Variants in FBXO36 observed in about 807,000 individuals in gnomAD.
FBXO36 encodes F-box protein 36.
FBXO36 carries 18 observed loss-of-function variants against 17.0 expected under a neutral mutation model. That is an observed-to-expected ratio of 1.06 (90% CI 0.73 to 1.57). FBXO36 has a LOEUF of 1.57. FBXO36 is among the 40% of genes most tolerant of loss of function. FBXO36 has a pLI of 0.00. For synonymous variants in FBXO36, 83 were observed against 85.3 expected, an observed-to-expected ratio of 0.97 and a Z score of 0.15; for missense variants, 229 against 221.9, an observed-to-expected ratio of 1.03 and a Z score of -0.20.
At chr2:229,963,241 T>C (rs1048452892) in intron 1 of FBXO36, among the ~76,000 whole-genome samples, 1 of 151,664 alleles carries the variant, frequency 6.6e-6, no homozygotes, top group Non-Finnish European at 1.5e-5. Flanking sequence ...AATTTTCGTA[T>C]TTTTAGTAGA....
At chr2:229,979,269 G>C (rs1560448396) in intron 2 of FBXO36, among the ~76,000 whole-genome samples, 1 of 151,716 alleles carries the variant, frequency 6.6e-6, no homozygotes, top group Non-Finnish European at 1.5e-5. Flanking sequence ...AGGCTGAAGT[G>C]GGAGGATTTC....
intron 1 of FBXO36, among the ~76,000 whole-genome samples, chr2:229,956,886 G>T (rs920345190): frequency 3.9e-5 from 6 of 152,066 alleles, no homozygotes; most frequent in African/African-American, 1.2e-4. Context: ...CACCCCTGGG[G>T]TCTCTTCCCC....
rs1277986774 is a variant in FBXO36, at chr2:229,976,326, T to G, written c.182T>G (p.Phe61Cys). ...GAAGCAAAAGAAACCCATGAAGACT[T>G]CCTAGAGAATTCACATCTTCAAGGT... ...PGEAKETHED[F>C]LENSHLQGQT... Residue 61 changes from phenylalanine to cysteine, a missense_variant, in exon 2 of 4, where the codon TTC becomes TGC. Phe to Cys is a radical substitution (Grantham distance 205). Transcript: ENST00000283946. 6.2e-7 allele frequency: 1 copy of G among 1,613,222 alleles called. No individual in the cohort carries two copies. Among genetic ancestry groups the G allele is most frequent in the Admixed American group, 1.7e-5 (1 of 59,990 alleles).
At chr2:230,005,352 C>T (rs1274078704) in intron 3 of FBXO36, among the ~76,000 whole-genome samples, 5 of 152,234 alleles carry the variant, frequency 3.3e-5, no homozygotes, top group South Asian at 2.1e-4. Context: ...CCTCCTGCCT[C>T]GGCCTTCCAA....
intron 3 of FBXO36, among the ~76,000 whole-genome samples, chr2:230,000,851 C>CTTTTTTT (rs71049612): frequency 3.6e-4 from 32 of 89,472 alleles, no homozygotes; most frequent in African/African-American, 1.3e-3. Flanking sequence ...AACCACTTTT[C>CTTTTTTT]TTTTTTTTTT....
intron 1 of FBXO36, among the ~76,000 whole-genome samples, chr2:229,951,169 G>A (rs902104545): frequency 2.0e-5 from 3 of 152,038 alleles, no homozygotes; most frequent in East Asian, 1.9e-4. Context: ...TCCTGACCTC[G>A]TTATCCACCC....
chr2:229,924,242 G>A (rs1167348612), intron 1 of FBXO36, among the ~76,000 whole-genome samples: 1 of 152,066 alleles, frequency 6.6e-6, no homozygotes, highest in East Asian at 1.9e-4. Flanking sequence ...ACAGGCGTGC[G>A]CCACCACACC....
chr2:229,937,934 A>T (rs2076973251), intron 1 of FBXO36: 1 of 152,074 alleles, frequency 6.6e-6, no homozygotes, highest in South Asian at 2.1e-4. Flanking sequence ...AGTTTTGCTT[A>T]TATGTTTATC....
intron 3 of FBXO36, among the ~76,000 whole-genome samples, chr2:229,998,388 T>G (rs1224584555): frequency 1.3e-5 from 2 of 152,160 alleles, no homozygotes; most frequent in Non-Finnish European, 1.5e-5. Flanking sequence ...TTTGGGAGGC[T>G]GAGGCGGTTG....
intron 1 of FBXO36, among the ~76,000 whole-genome samples, chr2:229,944,762 T>G (rs1334694664): frequency 6.6e-6 from 1 of 151,682 alleles, no homozygotes; most frequent in African/African-American, 2.4e-5. Context: ...CCGGCTAATT[T>G]TTTTGTATTT....
Position 229,996,748 on chromosome 2 carries a change from C to T in FBXO36, c.206-3C>T. ...TAACCATGTTGGCTTCTTTGAATTACAGGTCAAACTGCCTTAATATTTGGT... is the reference window on the plus strand; with the variant it reads ...TAACCATGTTGGCTTCTTTGAATTATAGGTCAAACTGCCTTAATATTTGGT... On this transcript the variant is annotated splice_region_variant and splice_polypyrimidine_tract_variant and intron_variant, in intron 2 of 3. Coordinates refer to ENST00000283946, the MANE Select transcript of FBXO36 (RefSeq NM_174899.5). 2 of 1,601,836 alleles carry T rather than the reference C, an allele frequency of 1.2e-6. No individual in the cohort carries two copies. Among genetic ancestry groups the T allele is most frequent in the Non-Finnish European group, 1.7e-6 (2 of 1,175,018 alleles).
At chr2:229,964,751 C>A (rs1344715067) in intron 1 of FBXO36, among the ~76,000 whole-genome samples, 2 of 152,202 alleles carry the variant, frequency 1.3e-5, no homozygotes, top group East Asian at 3.9e-4. Context: ...GAACTCCTGA[C>A]CTCGTGATCC....
chr2:229,974,293 T>C (rs548289), intron 1 of FBXO36, among the ~76,000 whole-genome samples: 148,822 of 152,210 alleles, frequency 0.98, 72,844 homozygotes, highest in East Asian at 1. Flanking sequence ...CCTAGCTAGC[T>C]GTGTTTCCTT....
intron 2 of FBXO36, among the ~76,000 whole-genome samples, chr2:229,991,650 G>A (rs2077298573): frequency 6.6e-6 from 1 of 152,166 alleles, no homozygotes; most frequent in South Asian, 2.1e-4. Flanking sequence ...GGATGGCAGT[G>A]TTTTTACCAA....
At chr2:229,927,367 A>C (rs899260397) in intron 1 of FBXO36, among the ~76,000 whole-genome samples, 4 of 152,152 alleles carry the variant, frequency 2.6e-5, no homozygotes, top group African/African-American at 7.2e-5. Context: ...AAAATCTATG[A>C]GTTTAGAAGA....
At chr2:229,976,593 G>T in intron 2 of FBXO36, 2 of 311,052 alleles carry the variant, frequency 6.4e-6, no homozygotes, top group Admixed American at 4.6e-5. Context: ...GGCCGAGGCG[G>T]GTGGATCATG....
chr2:229,975,294 G>A (rs1263735134), intron 1 of FBXO36, among the ~76,000 whole-genome samples: 1 of 152,038 alleles, frequency 6.6e-6, no homozygotes, highest in Non-Finnish European at 1.5e-5. Flanking sequence ...GTTGCTCTCT[G>A]TGGGAAAATT....
chr2:229,933,439 G>C (rs911498891), intron 1 of FBXO36, among the ~76,000 whole-genome samples: 1 of 152,166 alleles, frequency 6.6e-6, no homozygotes, highest in Non-Finnish European at 1.5e-5. Context: ...GTTAGTAGCT[G>C]TGTGACCTGG....
At chr2:229,925,577 C>CAA (rs530180224) in intron 1 of FBXO36, among the ~76,000 whole-genome samples, 202 of 151,908 alleles carry the variant, frequency 1.3e-3, no homozygotes, top group African/African-American at 4.6e-3. Flanking sequence ...GTATATTATC[C>CAA]AAATTATGCC....
Sources: allele counts gnomAD v4.1 joint callset (sites outside exome capture counted in the v4.1 genomes callset), GRCh38; gene constraint gnomAD v4.1.1; transcripts MANE v1.5; gene names NCBI Gene and HGNC (gene_info 2026-07-23, HGNC 2026-07-21).